Variants in GJB7 observed in about 807,000 individuals in gnomAD.
GJB7 encodes gap junction beta-7 protein.
For missense variants in GJB7, 253 were observed against 256.8 expected (o/e 0.99, Z 0.10); for synonymous variants, 87 against 95.2 (o/e 0.91, Z 0.50).
chr6:87,318,980 C>T (rs1413344097), intron 2 of GJB7, among the ~76,000 whole-genome samples: 1 of 152,136 alleles, frequency 6.6e-6, no homozygotes, highest in African/African-American at 2.4e-5. Flanking sequence ...TTTTAAAAAG[C>T]GCTAGTGGCA....
At chr6:87,297,431 G>C (rs1231785728) in intron 2 of GJB7, among the ~76,000 whole-genome samples, 1 of 151,960 alleles carries the variant, frequency 6.6e-6, no homozygotes, top group Non-Finnish European at 1.5e-5. Context: ...TTTAGTCTGT[G>C]GAAAAATCTT....
At chr6:87,293,917 A>C (rs1384115583) in intron 2 of GJB7, among the ~76,000 whole-genome samples, 1 of 152,238 alleles carries the variant, frequency 6.6e-6, no homozygotes, top group Non-Finnish European at 1.5e-5. Flanking sequence ...GGGGTTGATC[A>C]GAAGAGGTTC....
intron 1 of GJB7, among the ~76,000 whole-genome samples, chr6:87,326,951 C>G (rs960780427): frequency 9.2e-6 from 1 of 108,658 alleles, no homozygotes; most frequent in Non-Finnish European, 1.9e-5. Flanking sequence ...CTGGGTGCTC[C>G]TGTATTGGGT....
chr6:87,286,033 C>T (rs1046223365), intron 2 of GJB7, among the ~76,000 whole-genome samples: 4 of 152,136 alleles, frequency 2.6e-5, no homozygotes, highest in East Asian at 1.9e-4. Flanking sequence ...TCTTGTTTCA[C>T]GCCTCCTGAT....
chr6:87,303,518 T>A (rs1776369509), intron 2 of GJB7, among the ~76,000 whole-genome samples: 1 of 152,098 alleles, frequency 6.6e-6, no homozygotes, highest in African/African-American at 2.4e-5. Context: ...AGCACCAAGA[T>A]TCATAAAGCA....
chr6:87,297,230 C>T (rs1192617917), intron 2 of GJB7, among the ~76,000 whole-genome samples: 1 of 152,164 alleles, frequency 6.6e-6, no homozygotes, highest in Non-Finnish European at 1.5e-5. Flanking sequence ...ATCATATTTA[C>T]AGTTAATTTA....
In GJB7 at chr6:87,284,086, G is replaced by A. The variant is rs1776015939; in HGVS notation, c.*155C>T. 1 of 630,362 alleles carries A rather than the reference G, an allele frequency of 1.6e-6. No homozygotes were observed. Among genetic ancestry groups the A allele is most frequent in the Non-Finnish European group, 2.8e-6 (1 of 362,494 alleles). The allele number at this position is 630,362 out of a possible 1,614,324, so 39.0% of individuals were successfully genotyped here. On this transcript the variant is annotated 3_prime_UTR_variant, in exon 3 of 3. Coordinates refer to ENST00000525899, the MANE Select transcript of GJB7 (RefSeq NM_198568.3). ...TCCAACTCAGCTTAGGCCTTGCTGA[G>A]GAGGGATGCAGGTTTTCTTTGTTTA... is the stretch of plus-strand genomic sequence containing the variant.
intron 2 of GJB7, among the ~76,000 whole-genome samples, chr6:87,295,080 C>T (rs1461218565): frequency 6.6e-6 from 1 of 150,924 alleles, no homozygotes; most frequent in African/African-American, 2.4e-5. Flanking sequence ...TCTTTGTAAG[C>T]AACACTGACC....
intron 2 of GJB7, among the ~76,000 whole-genome samples, chr6:87,307,193 A>T (rs535460290): frequency 2.0e-5 from 3 of 149,658 alleles, no homozygotes; most frequent in Non-Finnish European, 1.5e-5. Context: ...TTAAAAAAAA[A>T]TTTTTAGCCA....
At chr6:87,305,790 C>T (rs1447496681) in intron 2 of GJB7, among the ~76,000 whole-genome samples, 18 of 152,296 alleles carry the variant, frequency 1.2e-4, no homozygotes, top group South Asian at 2.1e-4. Flanking sequence ...TACAAGGCTA[C>T]GGTAACCAAA....
intron 2 of GJB7, among the ~76,000 whole-genome samples, chr6:87,301,605 GA>G (rs1265817033): frequency 6.6e-6 from 1 of 152,204 alleles, no homozygotes; most frequent in Non-Finnish European, 1.5e-5. Flanking sequence ...CTCTGGAGGG[GA>G]AGGTCATAGC....
At chr6:87,308,562 T>G (rs952854541) in intron 2 of GJB7, among the ~76,000 whole-genome samples, 3 of 152,080 alleles carry the variant, frequency 2.0e-5, no homozygotes, top group African/African-American at 7.2e-5. Context: ...AAAAAGACAT[T>G]TGGGGCATAA....
intron 2 of GJB7, among the ~76,000 whole-genome samples, chr6:87,321,287 C>T (rs1249576702): frequency 6.6e-6 from 1 of 151,274 alleles, no homozygotes; most frequent in Admixed American, 6.6e-5. Context: ...TGTAAGTTTT[C>T]CCCAACAAGA....
intron 2 of GJB7, among the ~76,000 whole-genome samples, chr6:87,295,705 G>A (rs557228941): frequency 6.6e-6 from 1 of 152,252 alleles, no homozygotes; most frequent in African/African-American, 2.4e-5. Flanking sequence ...GTGGCATGAA[G>A]GACGTTGCCC....
Position 87,284,119 on chromosome 6 carries a change from T to C in GJB7, c.*122A>G. 1 of 780,180 alleles carries C rather than the reference T, an allele frequency of 1.3e-6. No homozygotes were observed. The highest frequency in any genetic ancestry group is 1.8e-5 in the South Asian group (1 of 55,968). The allele number at this position is 780,180 out of a possible 1,614,324, so 48.3% of individuals were successfully genotyped here. A position where few individuals can be genotyped will look rare whatever the true frequency, so the allele number is the denominator to read the frequency against. ...GCAGGTTTTCTTTGTTTAACCCTCT[T>C]GTGTGTCACAGAGTAGCTTTGCTTC... On this transcript the variant is annotated 3_prime_UTR_variant, in exon 3 of 3. Transcript: ENST00000525899.
intron 2 of GJB7, chr6:87,299,457 A>G: frequency 2.2e-6 from 1 of 446,710 alleles, no homozygotes; most frequent in South Asian, 1.8e-5. Context: ...AAGGTTAGAA[A>G]TGTGAATTCC....
intron 2 of GJB7, among the ~76,000 whole-genome samples, chr6:87,321,345 G>A (rs967235778): frequency 1.3e-5 from 2 of 152,026 alleles, no homozygotes; most frequent in African/African-American, 4.8e-5. Flanking sequence ...ATATATTTTG[G>A]GGTAACATAT....
intron 2 of GJB7, among the ~76,000 whole-genome samples, chr6:87,295,978 G>T (rs562305938): frequency 1.4e-4 from 22 of 152,328 alleles, no homozygotes; most frequent in East Asian, 1.3e-3. Context: ...ATGATGGCAT[G>T]TGCCTCCAGC....
intron 2 of GJB7, among the ~76,000 whole-genome samples, chr6:87,309,725 G>C (rs531463671): frequency 6.6e-6 from 1 of 152,236 alleles, no homozygotes; most frequent in South Asian, 2.1e-4. Context: ...CATGTTTCTG[G>C]TGGCTGTAAG....
Sources: allele counts gnomAD v4.1 joint callset (sites outside exome capture counted in the v4.1 genomes callset), GRCh38; gene constraint gnomAD v4.1.1; transcripts MANE v1.5; gene names NCBI Gene and HGNC (gene_info 2026-07-23, HGNC 2026-07-21).